Variants in TNKS observed in about 807,000 individuals in gnomAD.
TNKS encodes poly [ADP-ribose] polymerase tankyrase-1.
In TNKS, 72 loss-of-function variants were observed where a neutral mutation model predicts 135.8. The ratio of observed to expected loss-of-function variants is 0.53; its 90% CI spans 0.44 to 0.64. The LOEUF (loss-of-function observed/expected upper bound fraction) is 0.64, where lower values mean the gene tolerates loss of function less well. Ranked by LOEUF, TNKS falls within the 30% of genes least tolerant of loss-of-function variation. The pLI is 0.00. For missense variants in TNKS, 1,769 were observed against 1,674.0 expected (o/e 1.06, Z -0.99); for synonymous variants, 849 against 649.3 (o/e 1.31, Z -4.68).
intron 17 of TNKS, 43 bp downstream of exon 17, chr8:9,735,529 G>A (rs758206665): frequency 7.5e-5 from 113 of 1,503,082 alleles, no homozygotes; most frequent in Admixed American, 1.3e-4. Flanking sequence ...GACCGCACGC[G>A]GTGGCTCACG....
intron 3 of TNKS, among the ~76,000 whole-genome samples, chr8:9,674,235 T>C (rs1802435920): frequency 6.6e-6 from 1 of 152,216 alleles, no homozygotes; most frequent in African/African-American, 2.4e-5. Flanking sequence ...CTGTTCATTT[T>C]CCAGATGACA....
chr8:9,763,255 TC>T lies in TNKS; in HGVS notation c.3372+12del. ...TCAGTGGAAGAAGAGGTAATATACATCAGAAATCTTTCATTTGCTTTTCTTG... is the reference window on the plus strand; with the variant it reads ...TCAGTGGAAGAAGAGGTAATATACATAGAAATCTTTCATTTGCTTTTCTTG... On this transcript the variant is annotated intron_variant, in intron 22 of 26. Transcript: ENST00000310430. 1 of 1,525,518 alleles carries T rather than the reference TC, an allele frequency of 6.6e-7. No individual in the cohort carries two copies. Among genetic ancestry groups the T allele is most frequent in the South Asian group, 1.2e-5 (1 of 81,526 alleles). The allele number at this position is 1,525,518 out of a possible 1,614,324, so 94.5% of individuals were successfully genotyped here.
At chr8:9,628,828 C>T (rs1800170233) in intron 3 of TNKS, among the ~76,000 whole-genome samples, 1 of 152,166 alleles carries the variant, frequency 6.6e-6, no homozygotes, top group South Asian at 2.1e-4. Context: ...ATGGCCAACA[C>T]AGAATTCTTT....
At chr8:9,610,002 C>T (rs980597287) in intron 2 of TNKS, among the ~76,000 whole-genome samples, 11 of 152,160 alleles carry the variant, frequency 7.2e-5, no homozygotes, top group African/African-American at 1.4e-4. Context: ...GGACTACAGG[C>T]GCCCGCCACC....
chr8:9,762,070 C>T (rs1286201310), intron 21 of TNKS, among the ~76,000 whole-genome samples: 2 of 152,162 alleles, frequency 1.3e-5, no homozygotes, highest in Non-Finnish European at 2.9e-5. Context: ...TAATAGAATC[C>T]TGTTTCTTTT....
chr8:9,667,477 A>C (rs1802050079), intron 3 of TNKS, among the ~76,000 whole-genome samples: 3 of 152,234 alleles, frequency 2.0e-5, no homozygotes. Context: ...CTATTCAGGG[A>C]TTGCCTGACC....
In TNKS at chr8:9,773,739, T is replaced by TG. The variant is rs1808074234; in HGVS notation, c.3898-2911_3898-2910insG. ...TTATTTGAAAGAAAAAAAAAATGCCTAAATAAAAAAATGCACTCAGCATTT... is the reference window on the plus strand; with the variant it reads ...TTATTTGAAAGAAAAAAAAAATGCCTGAAATAAAAAAATGCACTCAGCATTT... On this transcript the variant is annotated intron_variant, in intron 26 of 26. Transcript: ENST00000310430. Among the ~76,000 whole-genome samples, 8 of 152,206 alleles carry TG rather than the reference T, an allele frequency of 5.3e-5. No individual in the cohort carries two copies. The South Asian group carries it at 1.7e-3, about 32-fold the overall frequency.
At chr8:9,609,129 C>A (rs1322406639) in intron 2 of TNKS, among the ~76,000 whole-genome samples, 2 of 152,060 alleles carry the variant, frequency 1.3e-5, no homozygotes, top group Non-Finnish European at 2.9e-5. Flanking sequence ...TTATTAAACA[C>A]AATAAGCATG....
At chr8:9,627,794 C>A (rs1800121600) in intron 3 of TNKS, among the ~76,000 whole-genome samples, 1 of 152,142 alleles carries the variant, frequency 6.6e-6, no homozygotes, top group Non-Finnish European at 1.5e-5. Flanking sequence ...ATAATCATAA[C>A]CATAAATCTC....
At chr8:9,747,181 C>A (rs534591242) in intron 17 of TNKS, among the ~76,000 whole-genome samples, 7 of 152,240 alleles carry the variant, frequency 4.6e-5, no homozygotes, top group African/African-American at 1.7e-4. Flanking sequence ...CCGCACCCAG[C>A]CCCTACTTAA....
chr8:9,593,080 A>G (rs1798645879), intron 2 of TNKS, among the ~76,000 whole-genome samples: 1 of 152,216 alleles, frequency 6.6e-6, no homozygotes, highest in Admixed American at 6.5e-5. Flanking sequence ...GATTAAACCC[A>G]TGAATTGCCC....
intron 1 of TNKS, among the ~76,000 whole-genome samples, chr8:9,564,819 G>T (rs758315313): frequency 5.9e-5 from 9 of 152,146 alleles, no homozygotes; most frequent in Non-Finnish European, 1.3e-4. Flanking sequence ...GGAGTCTGAG[G>T]GCTAGGTGCA....
intron 3 of TNKS, among the ~76,000 whole-genome samples, chr8:9,616,040 T>C (rs1048732994): frequency 1.3e-5 from 2 of 152,176 alleles, no homozygotes; most frequent in African/African-American, 4.8e-5. Flanking sequence ...GTAGTTTTGA[T>C]TGGAAAGACA....
At position 9,776,808 on chromosome 8, in the gene TNKS, C is replaced by A; in HGVS notation, c.*72C>A. 7.0e-7 allele frequency: 1 copy of A among 1,422,830 alleles called. No homozygotes were observed. Among genetic ancestry groups the A allele is most frequent in the East Asian group, 2.3e-5 (1 of 43,736 alleles). 88.1% of individuals were successfully genotyped at this position (1,422,830 alleles called of 1,614,324 possible). The stretch of plus-strand genomic sequence containing the variant: ...GATTACAGAGGATTGTTTCTAATAA[C>A]AACATCAATATTCTAGAAGTCCCTG... On this transcript the variant is annotated 3_prime_UTR_variant, in exon 27 of 27. Transcript: ENST00000310430.
intron 3 of TNKS, among the ~76,000 whole-genome samples, chr8:9,674,719 T>C (rs1209448699): frequency 6.6e-6 from 1 of 152,158 alleles, no homozygotes; most frequent in Non-Finnish European, 1.5e-5. Context: ...AGAGATTATG[T>C]TGGTACTAAG....
In TNKS at chr8:9,779,514, G is replaced by C. The variant is rs900193011; in HGVS notation, c.*2778G>C. On this transcript the variant is annotated 3_prime_UTR_variant, in exon 27 of 27. Coordinates refer to ENST00000310430, the MANE Select transcript of TNKS (RefSeq NM_003747.3). ...ACCTGATGGTTCCAGTTTACCTGCTGTTGGCCTGCTGGATACTTGACTCAG... is the reference window on the plus strand; with the variant it reads ...ACCTGATGGTTCCAGTTTACCTGCTCTTGGCCTGCTGGATACTTGACTCAG... The C allele has an allele frequency of 6.6e-6, 1 of 152,154 alleles. No individual in the cohort carries two copies. Among genetic ancestry groups the C allele is most frequent in the Non-Finnish European group, 1.5e-5 (1 of 68,042 alleles). The allele number at this position is 152,154 out of a possible 1,614,324, so 9.4% of individuals were successfully genotyped here. A position where few individuals can be genotyped will look rare whatever the true frequency, so the allele number is the denominator to read the frequency against.
chr8:9,757,101 T>A (rs1383502344), intron 20 of TNKS, among the ~76,000 whole-genome samples: 3 of 152,122 alleles, frequency 2.0e-5, no homozygotes, highest in Admixed American at 2.0e-4. Context: ...CTCAGCCTCC[T>A]GAGTAGCTGG....
chr8:9,603,811 G>A (rs1799111421), intron 2 of TNKS, among the ~76,000 whole-genome samples: 1 of 151,986 alleles, frequency 6.6e-6, no homozygotes, highest in South Asian at 2.1e-4. Flanking sequence ...AAACATAATA[G>A]CACGAGGATA....
At chr8:9,692,685 AC>A (rs1185646943) in intron 5 of TNKS, among the ~76,000 whole-genome samples, 1 of 152,214 alleles carries the variant, frequency 6.6e-6, no homozygotes, top group African/African-American at 2.4e-5. Flanking sequence ...GAGGAGTCAT[AC>A]TTTTTGATAA....
Sources: allele counts gnomAD v4.1 joint callset (sites outside exome capture counted in the v4.1 genomes callset), GRCh38; gene constraint gnomAD v4.1.1; transcripts MANE v1.5; gene names NCBI Gene and HGNC (gene_info 2026-07-23, HGNC 2026-07-21).